The following PTPRQ variants were observed in gnomAD, a reference collection of about 807,000 sequenced individuals.
The protein encoded by PTPRQ is protein tyrosine phosphatase receptor type Q, also known as phosphatidylinositol phosphatase PTPRQ.
A neutral mutation model predicts 246.0 loss-of-function variants in PTPRQ; 199 were observed. The observed-to-expected ratio is 0.81, with a 90% confidence interval of 0.72 to 0.91. The LOEUF is 0.91. Ranked by LOEUF, PTPRQ falls within the 40% of genes least tolerant of loss-of-function variation. PTPRQ has a pLI of 0.00. For missense variants in PTPRQ, 2,624 were observed against 2,528.4 expected (o/e 1.04, Z -0.81); for synonymous variants, 869 against 853.2 (o/e 1.02, Z -0.32).
At chr12:80,516,487 G>T (rs1372308821) in intron 17 of PTPRQ, among the ~76,000 whole-genome samples, 1 of 152,104 alleles carries the variant, frequency 6.6e-6, no homozygotes, top group South Asian at 2.1e-4. Context: ...ACCTTAAAAC[G>T]ATTGATGACT....
chr12:80,541,530 G>T (rs1160648383), intron 20 of PTPRQ, 25 bp from the exon 21 acceptor site: 1 of 1,409,920 alleles, frequency 7.1e-7, no homozygotes, highest in Admixed American at 2.9e-5. Flanking sequence ...GATGATTTTT[G>T]TATTTTGCCC....
At chr12:80,499,906 CCATA>C (rs1894744339) in intron 14 of PTPRQ, among the ~76,000 whole-genome samples, 1 of 151,738 alleles carries the variant, frequency 6.6e-6, no homozygotes, top group Non-Finnish European at 1.5e-5. Context: ...TGAGAAGTTC[CCATA>C]CAAATTACTC....
chr12:80,457,535 GA>G (rs2120461901), intron 3 of PTPRQ, 39 bp from the exon 4 acceptor site: 2 of 400,012 alleles, frequency 5.0e-6, no homozygotes, highest in African/African-American at 2.1e-5. Context: ...TTTTTTCAGG[GA>G]GTAAAATGTT....
At chr12:80,547,564 TAACAAATGCAAAATAAA>T (rs1565778904) in intron 24 of PTPRQ, among the ~76,000 whole-genome samples, 1 of 152,142 alleles carries the variant, frequency 6.6e-6, no homozygotes, top group African/African-American at 2.4e-5. Flanking sequence ...TGCATTTCTG[TAACAAATGCAAAATAAA>T]TAGCATTTAT....
intron 38 of PTPRQ, among the ~76,000 whole-genome samples, chr12:80,656,007 A>T (rs1221265307): frequency 6.6e-6 from 1 of 152,200 alleles, no homozygotes; most frequent in Non-Finnish European, 1.5e-5. Context: ...CCAACACCAC[A>T]AAGAAAAGTT....
chr12:80,456,932 CTGGGAAT>C (rs1893000259), intron 3 of PTPRQ, among the ~76,000 whole-genome samples: 1 of 152,132 alleles, frequency 6.6e-6, no homozygotes, highest in Non-Finnish European at 1.5e-5. Context: ...AAGCTACTAT[CTGGGAAT>C]TGGTAGAACT....
At chr12:80,597,441 C>T (rs1241346301) in intron 26 of PTPRQ, among the ~76,000 whole-genome samples, 1 of 151,946 alleles carries the variant, frequency 6.6e-6, no homozygotes, top group Non-Finnish European at 1.5e-5. Context: ...GTAGGGAGAA[C>T]CCTCTTCATA....
intron 25 of PTPRQ, among the ~76,000 whole-genome samples, chr12:80,583,242 CA>C (rs1897503733): frequency 6.6e-6 from 1 of 152,024 alleles, no homozygotes; most frequent in Non-Finnish European, 1.5e-5. Flanking sequence ...CATTTTGTTT[CA>C]TTCAGTAGTC....
chr12:80,549,818 T>C, intron 25 of PTPRQ, 84 bp downstream of exon 25: 5 of 1,441,528 alleles, frequency 3.5e-6, no homozygotes, highest in Non-Finnish European at 4.6e-6. Context: ...CTTTATAGCA[T>C]ACTTATCTAA....
intron 25 of PTPRQ, among the ~76,000 whole-genome samples, chr12:80,574,102 G>T (rs1260571197): frequency 6.6e-6 from 1 of 152,006 alleles, no homozygotes; most frequent in East Asian, 1.9e-4. Flanking sequence ...CATGCGTATT[G>T]TGATTGTTAT....
intron 33 of PTPRQ, among the ~76,000 whole-genome samples, chr12:80,627,511 T>C (rs909561874): frequency 3.9e-5 from 6 of 151,922 alleles, no homozygotes; most frequent in African/African-American, 1.2e-4. Flanking sequence ...ATGAGCTTTA[T>C]ATCTAATTGA....
At chr12:80,608,587 T>C (rs1246670578) in intron 27 of PTPRQ, among the ~76,000 whole-genome samples, 1 of 149,438 alleles carries the variant, frequency 6.7e-6, no homozygotes, top group Non-Finnish European at 1.5e-5. Flanking sequence ...ATTTATAATT[T>C]ATAAATTATA....
At chr12:80,581,954 T>G (rs1045642517) in intron 25 of PTPRQ, among the ~76,000 whole-genome samples, 1 of 152,122 alleles carries the variant, frequency 6.6e-6, no homozygotes, top group African/African-American at 2.4e-5. Context: ...TTGACAGGAG[T>G]AGGTATTGGT....
At chr12:80,653,596 G>T (rs1900325662) in intron 38 of PTPRQ, among the ~76,000 whole-genome samples, 1 of 152,110 alleles carries the variant, frequency 6.6e-6, no homozygotes, top group African/African-American at 2.4e-5. Flanking sequence ...ACATCTGTGT[G>T]TGTATATATA....
At chr12:80,581,950 G>A (rs1440055872) in intron 25 of PTPRQ, among the ~76,000 whole-genome samples, 4 of 152,162 alleles carry the variant, frequency 2.6e-5, no homozygotes, top group African/African-American at 9.7e-5. Flanking sequence ...CATGTTGACA[G>A]GAGTAGGTAT....
intron 31 of PTPRQ, 57 bp downstream of exon 31, chr12:80,619,599 T>C (rs1352358076): frequency 1.5e-5 from 20 of 1,324,984 alleles, no homozygotes; most frequent in Non-Finnish European, 1.8e-5. Flanking sequence ...TACTGAGTGC[T>C]AAAAAGAATT....
intron 6 of PTPRQ, among the ~76,000 whole-genome samples, chr12:80,466,052 G>C (rs889389835): frequency 6.6e-6 from 1 of 152,172 alleles, no homozygotes; most frequent in South Asian, 2.1e-4. Flanking sequence ...ATTAGGAAAA[G>C]AGGAAGTCAA....
intron 17 of PTPRQ, among the ~76,000 whole-genome samples, chr12:80,524,977 A>T (rs1404081964): frequency 1.3e-5 from 2 of 152,166 alleles, no homozygotes; most frequent in Non-Finnish European, 2.9e-5. Flanking sequence ...TGTGTGAAAA[A>T]TATTTAGGGA....
rs1041366896 is a variant in PTPRQ, at chr12:80,549,377, CAG to C, written c.4016-86_4016-85del. 25 of 1,393,076 alleles carry C rather than the reference CAG, an allele frequency of 1.8e-5. No homozygotes were observed. The African/African-American group carries it at 2.9e-4, about 16-fold the overall frequency. The allele number at this position is 1,393,076 out of a possible 1,614,324, so 86.3% of individuals were successfully genotyped here. A position where few individuals can be genotyped will look rare whatever the true frequency, so the allele number is the denominator to read the frequency against. On this transcript the variant is annotated intron_variant, in intron 24 of 44. Coordinates refer to ENST00000644991, the MANE Select transcript of PTPRQ (RefSeq NM_001145026.2). ...TTAAATATTTTTCTAGTTCTAAACA[CAG>C]ATGTATCTAGTGATCACGTAATTCA...
Sources: gnomAD v4.1 joint callset for allele counts (sites outside exome capture counted in the v4.1 genomes callset) on GRCh38, gnomAD v4.1.1 for gene constraint, MANE v1.5 for transcripts, NCBI Gene and HGNC (gene_info 2026-07-23, HGNC 2026-07-21) for gene names.